The following AFAP1 variants were observed in gnomAD, a reference collection of about 807,000 sequenced individuals.
AFAP1 encodes actin filament associated protein 1, also known as actin filament-associated protein 1.
AFAP1 carries 75 observed loss-of-function variants against 93.9 expected under a neutral mutation model. The observed-to-expected ratio is 0.80, with a 90% CI of 0.66 to 0.97. The LOEUF (loss-of-function observed/expected upper bound fraction) is 0.97, where lower values mean the gene tolerates loss of function less well. Ranked by LOEUF, AFAP1 falls within the 50% of genes least tolerant of loss-of-function variation. AFAP1 has a pLI of 0.00. For missense variants in AFAP1, 1,201 were observed against 1,050.8 expected, an observed-to-expected ratio of 1.14 and a Z score of -1.98; for synonymous variants, 517 against 430.7, an observed-to-expected ratio of 1.20 and a Z score of -2.48.
At chr4:7,913,006 C>T (rs1052242865) in intron 1 of AFAP1, among the ~76,000 whole-genome samples, 1 of 152,116 alleles carries the variant, frequency 6.6e-6, no homozygotes, top group Non-Finnish European at 1.5e-5. Context: ...TGGCACCATG[C>T]CCAGTTAATT....
chr4:7,821,636 A>G (rs1220908438), intron 6 of AFAP1, among the ~76,000 whole-genome samples: 1 of 152,230 alleles, frequency 6.6e-6, no homozygotes, highest in Non-Finnish European at 1.5e-5. Context: ...AATGTCTTCT[A>G]TTCTTTTTAG....
Position 7,868,623 on chromosome 4 carries a change from A to G in AFAP1, c.224T>C (p.Leu75Pro). The G allele has an allele frequency of 6.2e-7, 1 of 1,611,448 alleles. No individual in the cohort carries two copies. The highest frequency in any genetic ancestry group is 2.2e-5 in the East Asian group (1 of 44,828). Residue 75 changes from leucine to proline, a missense_variant and splice_region_variant, in exon 3 of 18, where the codon CTG becomes CCG. Coordinates refer to ENST00000420658, the MANE Select transcript of AFAP1 (RefSeq NM_001134647.2). The part of the protein sequence containing the change: ...MPLPEIPQPW[L>P]PPDSGPPPLP... ...TGAGATGGTGGGACCTTGACTCACC[A>G]GCCAGGGCTGAGGGATCTCCGGCAG...
At chr4:7,805,792 C>T (rs1010192145) in intron 9 of AFAP1, among the ~76,000 whole-genome samples, 7 of 152,148 alleles carry the variant, frequency 4.6e-5, no homozygotes, top group African/African-American at 7.2e-5. Context: ...ATGTAGAAGG[C>T]GGAAAAGTGA....
chr4:7,906,480 T>C (rs1719409897), intron 1 of AFAP1, among the ~76,000 whole-genome samples: 1 of 152,062 alleles, frequency 6.6e-6, no homozygotes, highest in African/African-American at 2.4e-5. Flanking sequence ...CGGAGAAAAA[T>C]AGTGAGTCCA....
intron 1 of AFAP1, among the ~76,000 whole-genome samples, chr4:7,893,584 A>AAAAAAG (rs1718597103): frequency 6.6e-6 from 1 of 150,664 alleles, no homozygotes. Context: ...CTGTCTCAAA[A>AAAAAAG]AAAAAAAAAA....
intron 16 of AFAP1, among the ~76,000 whole-genome samples, chr4:7,769,975 G>C (rs1382697744): frequency 4.6e-5 from 7 of 152,170 alleles, no homozygotes; most frequent in African/African-American, 1.7e-4. Flanking sequence ...GCCAGGCTAG[G>C]CTGTGAGTAA....
At chr4:7,850,969 C>T (rs1024351341) in intron 4 of AFAP1, among the ~76,000 whole-genome samples, 3 of 152,070 alleles carry the variant, frequency 2.0e-5, no homozygotes, top group South Asian at 2.1e-4. Flanking sequence ...TTCAACAGCT[C>T]CCGCAAGTGT....
intron 6 of AFAP1, among the ~76,000 whole-genome samples, chr4:7,829,855 A>G (rs1721738199): frequency 6.6e-6 from 1 of 152,226 alleles, no homozygotes; most frequent in African/African-American, 2.4e-5. Flanking sequence ...CATGGAAGTG[A>G]TTACTCTTTC....
chr4:7,774,855 T>C lies in AFAP1; in HGVS notation c.1946A>G (p.Lys649Arg), dbSNP rs898567063. 9.9e-6 allele frequency: 16 copies of C among 1,614,094 alleles called. No homozygotes were observed. Among genetic ancestry groups the C allele is most frequent in the African/African-American group, 2.7e-5 (2 of 74,932 alleles). Residue 649 changes from lysine to arginine, a missense_variant, in exon 15 of 18, where the codon AAG becomes AGG. Lys to Arg is a conservative substitution (Grantham distance 26, BLOSUM62 2). Coordinates refer to ENST00000420658, the MANE Select transcript of AFAP1 (RefSeq NM_001134647.2). ...CTCCTCCTCTTTGGTCTGTAGCCGC[T>C]TGGCATCTGCTTCTACCCGGTTCTT... ...YGKNRVEADA[K>R]RLQTKEEELL...
chr4:7,815,539 G>A lies in AFAP1; in HGVS notation c.904+479C>T, dbSNP rs1020275474. ...TCTGGCCTCCTCATTTTAAAGATGG[G>A]GAAACTGAGGCTCATCAAGAGGGAA... is the stretch of plus-strand genomic sequence containing the variant. On this transcript the variant is annotated intron_variant, in intron 8 of 17. Coordinates refer to ENST00000420658, the MANE Select transcript of AFAP1 (RefSeq NM_001134647.2). Among the ~76,000 whole-genome samples the A allele has an allele frequency of 2.0e-5, 3 of 152,186 alleles. No homozygotes were observed. In the South Asian group the frequency reaches 6.2e-4, roughly 32 times the overall value.
chr4:7,800,412 G>A (rs1259004428), intron 10 of AFAP1, 30 bp downstream of exon 10: 2 of 1,608,994 alleles, frequency 1.2e-6, no homozygotes, highest in African/African-American at 2.7e-5. Flanking sequence ...GTGTCCCTCT[G>A]TGGAGTACAG....
At chr4:7,768,523 C>A (rs1714942594) in intron 17 of AFAP1, among the ~76,000 whole-genome samples, 1 of 152,122 alleles carries the variant, frequency 6.6e-6, no homozygotes, top group African/African-American at 2.4e-5. Flanking sequence ...CTGGTCTAAT[C>A]TCCACCGCAC....
At chr4:7,854,205 TCTA>T (rs1292423355) in intron 4 of AFAP1, among the ~76,000 whole-genome samples, 1 of 152,164 alleles carries the variant, frequency 6.6e-6, no homozygotes, top group Non-Finnish European at 1.5e-5. Flanking sequence ...TTCTAATTAA[TCTA>T]CTGTCTTCTT....
chr4:7,860,579 G>C (rs749155901), intron 3 of AFAP1, among the ~76,000 whole-genome samples: 15 of 152,158 alleles, frequency 9.9e-5, no homozygotes, highest in Non-Finnish European at 1.8e-4. Context: ...TGATTTCACA[G>C]ATGAGGAAAC....
At chr4:7,846,595 A>C (rs1380460673) in intron 4 of AFAP1, among the ~76,000 whole-genome samples, 4 of 152,258 alleles carry the variant, frequency 2.6e-5, no homozygotes, top group Non-Finnish European at 5.9e-5. Context: ...AGATTTAATG[A>C]GTCAGTTAGT....
In AFAP1 at chr4:7,789,948, G is replaced by C. The variant is rs186364450; in HGVS notation, c.1413-3637C>G. 1.1e-4 allele frequency among the ~76,000 whole-genome samples: 16 copies of C among 152,294 alleles called. No individual in the cohort carries two copies. In the South Asian group the frequency reaches 1.9e-3, roughly 18 times the overall value. On this transcript the variant is annotated intron_variant, in intron 11 of 17. Transcript: ENST00000420658. Reference sequence around the variant, plus strand: ...GTTTTCAGGAAAATATGTTTCGATTGTTTACCATTATTAAAGTTCCTAAGT... The same window carrying C: ...GTTTTCAGGAAAATATGTTTCGATTCTTTACCATTATTAAAGTTCCTAAGT...
chr4:7,872,135 G>A (rs1320782150), intron 1 of AFAP1, 55 bp from the exon 2 acceptor site: 2 of 1,599,492 alleles, frequency 1.3e-6, no homozygotes. Context: ...AAATGTCAAA[G>A]TATGAATACT....
At chr4:7,770,795 C>T (rs181593307) in intron 16 of AFAP1, among the ~76,000 whole-genome samples, 2 of 152,242 alleles carry the variant, frequency 1.3e-5, no homozygotes, top group East Asian at 3.9e-4. Flanking sequence ...AGCACTCCTG[C>T]CCTGCCACCA....
At chr4:7,794,689 T>C in intron 10 of AFAP1, among the ~76,000 whole-genome samples, 1 of 139,162 alleles carries the variant, frequency 7.2e-6, no homozygotes, top group East Asian at 4.8e-4. Flanking sequence ...GTCCAGCTAA[T>C]TTTTTTATTT....
Sources: gnomAD v4.1 joint callset for allele counts (sites outside exome capture counted in the v4.1 genomes callset) on GRCh38, gnomAD v4.1.1 for gene constraint, MANE v1.5 for transcripts, NCBI Gene and HGNC (gene_info 2026-07-23, HGNC 2026-07-21) for gene names.